The following CLYBL variants were observed in gnomAD, a reference collection of about 807,000 sequenced individuals.
CLYBL encodes citramalyl-CoA lyase.
CLYBL carries 31 observed loss-of-function variants against 38.9 expected under a neutral mutation model. The observed-to-expected ratio is 0.80, with a 90% CI of 0.60 to 1.08. The LOEUF (loss-of-function observed/expected upper bound fraction) is 1.08. Ranked by LOEUF, CLYBL falls within the 50% of genes least tolerant of loss-of-function variation. The pLI, the probability that CLYBL is intolerant of heterozygous loss-of-function variation, is 0.00. For missense variants in CLYBL, 434 were observed against 411.6 expected (o/e 1.05, Z -0.47); for synonymous variants, 171 against 158.6 (o/e 1.08, Z -0.59).
intron 1 of CLYBL, among the ~76,000 whole-genome samples, chr13:99,716,169 ATTTT>A (rs4001024): frequency 1.6e-3 from 53 of 33,416 alleles, no homozygotes; most frequent in African/African-American, 1.9e-3. Flanking sequence ...TATTGGTGTA[ATTTT>A]TTTTTTTTTT....
intron 1 of CLYBL, among the ~76,000 whole-genome samples, chr13:99,749,003 A>AC (rs1377891889): frequency 6.6e-6 from 1 of 151,080 alleles, no homozygotes; most frequent in Admixed American, 6.6e-5. Flanking sequence ...ACATGGTGAA[A>AC]CCCCACCTCT....
chr13:99,785,207 T>G (rs1226035831), intron 2 of CLYBL, among the ~76,000 whole-genome samples: 1 of 136,796 alleles, frequency 7.3e-6, no homozygotes, highest in East Asian at 2.2e-4. Flanking sequence ...TTTTTTTTTT[T>G]TTTTTTTTTT....
At chr13:99,738,614 A>G (rs2048703171) in intron 1 of CLYBL, among the ~76,000 whole-genome samples, 1 of 152,176 alleles carries the variant, frequency 6.6e-6, no homozygotes, top group East Asian at 1.9e-4. Context: ...GTCAGTGTCA[A>G]ACTAAACAGA....
chr13:99,768,939 A>T (rs1489587339), intron 1 of CLYBL, among the ~76,000 whole-genome samples: 1 of 152,162 alleles, frequency 6.6e-6, no homozygotes, highest in African/African-American at 2.4e-5. Context: ...AAAAGCAAAA[A>T]ATTAATGGGG....
At chr13:99,837,829 C>G (rs2050975420) in intron 2 of CLYBL, among the ~76,000 whole-genome samples, 1 of 152,154 alleles carries the variant, frequency 6.6e-6, no homozygotes, top group Non-Finnish European at 1.5e-5. Context: ...CACCACACAC[C>G]CATCAAACCA....
At chr13:99,691,906 G>A (rs538210467) in intron 1 of CLYBL, among the ~76,000 whole-genome samples, 5 of 152,296 alleles carry the variant, frequency 3.3e-5, no homozygotes, top group African/African-American at 7.2e-5. Context: ...AACACAGAGC[G>A]AGAGTTTCTA....
intron 1 of CLYBL, among the ~76,000 whole-genome samples, chr13:99,686,949 A>G (rs531031730): frequency 6.6e-6 from 1 of 152,338 alleles, no homozygotes; most frequent in African/African-American, 2.4e-5. Context: ...AACCTCGATA[A>G]TGAGAGGCTA....
At chr13:99,721,251 G>T in intron 1 of CLYBL, among the ~76,000 whole-genome samples, 1 of 151,458 alleles carries the variant, frequency 6.6e-6, no homozygotes, top group African/African-American at 2.4e-5. Context: ...CACCATGTTG[G>T]CTAGGCTGAT....
chr13:99,712,712 A>C (rs756451483), intron 1 of CLYBL, among the ~76,000 whole-genome samples: 9 of 152,132 alleles, frequency 5.9e-5, no homozygotes, highest in Non-Finnish European at 1.3e-4. Context: ...GTCAATATTA[A>C]GCAATATACC....
rs114085031 is a variant in CLYBL at position 99,889,523 on chromosome 13, A to G, written c.928-1795A>G. ...GCTGAATGAAATTATGGAAAGGACA[A>G]TCTAGGGGTAAAAACAGTAAAAACA... is the stretch of plus-strand genomic sequence containing the variant. On this transcript the variant is annotated intron_variant, in intron 7 of 8. Coordinates refer to ENST00000339105, the MANE Select transcript of CLYBL (RefSeq NM_206808.5). 1.9e-3 allele frequency among the ~76,000 whole-genome samples: 292 copies of G among 152,272 alleles called. 2 individuals are homozygous for G. The highest frequency in any genetic ancestry group is 6.7e-3 in the African/African-American group (280 of 41,568).
intron 1 of CLYBL, among the ~76,000 whole-genome samples, chr13:99,658,683 G>A (rs544487903): frequency 6.6e-6 from 1 of 152,114 alleles, no homozygotes; most frequent in Non-Finnish European, 1.5e-5. Context: ...GGTTCTCTGC[G>A]GAGTTTCGGC....
At chr13:99,668,249 G>T (rs113034930) in intron 1 of CLYBL, among the ~76,000 whole-genome samples, 6,959 of 150,368 alleles carry the variant, frequency 0.046, 533 homozygotes, top group African/African-American at 0.16. Context: ...ACTCCAGCCT[G>T]GGCGACAGAG....
At chr13:99,733,037 T>A (rs1209902144) in intron 1 of CLYBL, among the ~76,000 whole-genome samples, 1 of 152,242 alleles carries the variant, frequency 6.6e-6, no homozygotes, top group Non-Finnish European at 1.5e-5. Flanking sequence ...TGCATTTATT[T>A]ATTCATGTAT....
intron 1 of CLYBL, among the ~76,000 whole-genome samples, chr13:99,647,356 T>C (rs2047191943): frequency 6.6e-6 from 1 of 152,080 alleles, no homozygotes; most frequent in Non-Finnish European, 1.5e-5. Context: ...TAGGGAAGGC[T>C]CCCGCCCCAC....
chr13:99,842,425 T>C (rs2051104772), intron 2 of CLYBL, among the ~76,000 whole-genome samples: 1 of 152,198 alleles, frequency 6.6e-6, no homozygotes, highest in African/African-American at 2.4e-5. Flanking sequence ...TAGTGTGTCC[T>C]GAACCCCATC....
chr13:99,737,584 T>C (rs979372091), intron 1 of CLYBL, among the ~76,000 whole-genome samples: 2 of 152,174 alleles, frequency 1.3e-5, no homozygotes, highest in Non-Finnish European at 1.5e-5. Flanking sequence ...CTGGCGAGTC[T>C]GGGGACTCAT....
At chr13:99,696,333 G>A (rs2047979014) in intron 1 of CLYBL, among the ~76,000 whole-genome samples, 1 of 151,712 alleles carries the variant, frequency 6.6e-6, no homozygotes, top group South Asian at 2.1e-4. Context: ...AGGCCCAAGA[G>A]TTCCTCCCAC....
At chr13:99,908,278 A>C (rs1307113218) in exon 10 of CLYBL, among the ~76,000 whole-genome samples, 2 of 152,176 alleles carry the variant, frequency 1.3e-5, no homozygotes, top group African/African-American at 4.8e-5. Flanking sequence ...TGCTCTGTTT[A>C]CACACCTGGA....
chr13:99,732,894 T>TAACAGAA (rs2048614346), intron 1 of CLYBL, among the ~76,000 whole-genome samples: 1 of 152,224 alleles, frequency 6.6e-6, no homozygotes, highest in Non-Finnish European at 1.5e-5. Context: ...CACATTGGTT[T>TAACAGAA]GTAGGTAAAT....
Sources: gnomAD v4.1 joint callset for allele counts (sites outside exome capture counted in the v4.1 genomes callset) on GRCh38, gnomAD v4.1.1 for gene constraint, MANE v1.5 for transcripts, NCBI Gene and HGNC (gene_info 2026-07-23, HGNC 2026-07-21) for gene names.